The following ASIC2 variants were observed in gnomAD, a reference collection of about 807,000 sequenced individuals.
The protein encoded by ASIC2 is acid-sensing ion channel 2.
In ASIC2, 25 loss-of-function variants were observed where a neutral mutation model predicts 57.3. The observed-to-expected ratio is 0.44, with a 90% confidence interval of 0.32 to 0.61. The LOEUF is 0.61. ASIC2 is among the 20% of genes least tolerant of loss of function. ASIC2 has a pLI of 0.06. For missense variants in ASIC2, 641 were observed against 738.1 expected (o/e 0.87, Z 1.52); for synonymous variants, 319 against 307.5 (o/e 1.04, Z -0.39).
chr17:33,298,799 G>A (rs1162809350), intron 1 of ASIC2, among the ~76,000 whole-genome samples: 2 of 152,190 alleles, frequency 1.3e-5, no homozygotes, highest in East Asian at 1.9e-4. Context: ...TCTAACTGGT[G>A]TGAGATGGTA....
At chr17:33,105,288 T>A (rs374053851) in intron 2 of ASIC2, among the ~76,000 whole-genome samples, 71 of 152,336 alleles carry the variant, frequency 4.7e-4, no homozygotes, top group African/African-American at 1.7e-3. Context: ...GTTGTTGTGA[T>A]AGTGAATAAG....
chr17:33,323,852 A>T (rs1167693336), intron 1 of ASIC2, among the ~76,000 whole-genome samples: 1 of 151,822 alleles, frequency 6.6e-6, no homozygotes, highest in Non-Finnish European at 1.5e-5. Flanking sequence ...TTATAGTTGT[A>T]GTTGGCAGTG....
Position 33,022,678 on chromosome 17 carries a change from A to AT in ASIC2, c.1349+1182dup, listed in dbSNP as rs554056507. ...CCATTCATTTATTCTGTTAAAACAC[A>AT]TTTTTTTGAGTACCAACTCTGTGCC... On this transcript the variant is annotated intron_variant, in intron 6 of 9. Coordinates refer to ENST00000225823, the MANE Select transcript of ASIC2 (RefSeq NM_183377.2). 2.3e-3 allele frequency among the ~76,000 whole-genome samples: 343 copies of AT among 152,294 alleles called. 3 individuals are homozygous for AT. Among genetic ancestry groups the AT allele is most frequent in the African/African-American group, 7.8e-3 (326 of 41,550 alleles).
chr17:33,319,909 C>T (rs1040771961), intron 1 of ASIC2, among the ~76,000 whole-genome samples: 1 of 152,128 alleles, frequency 6.6e-6, no homozygotes, highest in Non-Finnish European at 1.5e-5. Flanking sequence ...AATACTACAT[C>T]GTATTCATCC....
intron 1 of ASIC2, among the ~76,000 whole-genome samples, chr17:33,522,074 T>A (rs939792654): frequency 1.3e-5 from 2 of 152,162 alleles, no homozygotes; most frequent in Non-Finnish European, 2.9e-5. Flanking sequence ...AGGAGCATCC[T>A]GTCAGGAAGG....
At chr17:33,264,118 T>C (rs765245675) in intron 1 of ASIC2, among the ~76,000 whole-genome samples, 7 of 152,176 alleles carry the variant, frequency 4.6e-5, no homozygotes, top group Non-Finnish European at 7.3e-5. Flanking sequence ...GTGAGTGCAA[T>C]CAATCTGCAG....
Position 34,034,617 on chromosome 17 carries a change from C to T in ASIC2, c.555+121361G>A, listed in dbSNP as rs9905765. ...TGATTGTATATCTAGAAAACCCCAT[C>T]GTCTCAGCCCAAAATCTCCTCAGGC... On this transcript the variant is annotated intron_variant, in intron 1 of 9. Transcript: ENST00000359872. 9.0e-3 allele frequency among the ~76,000 whole-genome samples: 1,376 copies of T among 152,208 alleles called. 19 individuals carry two copies. The highest frequency in any genetic ancestry group is 0.031 in the African/African-American group (1,279 of 41,506).
At chr17:33,756,584 T>A (rs1016700851) in intron 1 of ASIC2, among the ~76,000 whole-genome samples, 3 of 152,226 alleles carry the variant, frequency 2.0e-5, no homozygotes, top group Non-Finnish European at 4.4e-5. Context: ...AGGGCTTACC[T>A]TCTAGCATCT....
chr17:33,180,110 G>A (rs929946351), intron 1 of ASIC2, among the ~76,000 whole-genome samples: 2 of 152,118 alleles, frequency 1.3e-5, no homozygotes, highest in African/African-American at 4.8e-5. Context: ...GAAAGGAATG[G>A]CCAGGAAACT....
In ASIC2 at chr17:33,089,015, C is replaced by G. The variant is rs571182369; in HGVS notation, c.860-25G>C. ...TCTGAAAGAACAAAGATGGACAGAG[C>G]CACGGGTCAGTAACAACAGATGCTC... On this transcript the variant is annotated intron_variant, in intron 2 of 9. Transcript: ENST00000225823. 5 of 1,612,826 alleles carry G rather than the reference C, an allele frequency of 3.1e-6. No individual in the cohort carries two copies. In the Admixed American group the frequency reaches 5.0e-5, roughly 16 times the overall value.
chr17:33,803,521 T>C (rs1376215253), intron 1 of ASIC2, among the ~76,000 whole-genome samples: 1 of 151,532 alleles, frequency 6.6e-6, no homozygotes, highest in Non-Finnish European at 1.5e-5. Context: ...TGTTTACTCC[T>C]AGAAGAAGAA....
intron 1 of ASIC2, among the ~76,000 whole-genome samples, chr17:33,565,506 C>A (rs899221462): frequency 1.4e-4 from 21 of 152,174 alleles, no homozygotes; most frequent in African/African-American, 4.6e-4. Flanking sequence ...CCAGAACAGT[C>A]CTTAGAGGTA....
rs544465420 is a variant in ASIC2, at chr17:33,086,374, T to C, written c.987+2489A>G. 1.6e-4 allele frequency among the ~76,000 whole-genome samples: 24 copies of C among 152,324 alleles called. 1 individual carries two copies. Among genetic ancestry groups the C allele is most frequent in the Admixed American group, 9.1e-4 (14 of 15,312 alleles). On this transcript the variant is annotated intron_variant, in intron 3 of 9. Transcript: ENST00000225823. ...GTCAACACAAGTAAGTAATTCATCA[T>C]AGTAGGGGTAGGTACATTCAACAAG...
chr17:34,040,464 TG>T (rs1410986521), intron 1 of ASIC2, among the ~76,000 whole-genome samples: 70 of 29,602 alleles, frequency 2.4e-3, no homozygotes, highest in African/African-American at 5.4e-3. Flanking sequence ...ACGAGGAAGG[TG>T]GGGGGGGTCC....
chr17:33,456,514 T>C (rs1043496636), intron 1 of ASIC2, among the ~76,000 whole-genome samples: 2 of 152,234 alleles, frequency 1.3e-5, no homozygotes, highest in Non-Finnish European at 2.9e-5. Context: ...TACTGGGTAG[T>C]GACTACTGAT....
intron 1 of ASIC2, among the ~76,000 whole-genome samples, chr17:33,215,793 G>A (rs966230449): frequency 2.7e-5 from 4 of 148,512 alleles, no homozygotes; most frequent in African/African-American, 9.9e-5. Flanking sequence ...TCCGCCCCCC[G>A]GGTTCACGCC....
chr17:33,298,189 A>G (rs897945570), upstream of ASIC2, among the ~76,000 whole-genome samples: 4 of 152,068 alleles, frequency 2.6e-5, no homozygotes, highest in African/African-American at 4.8e-5. Flanking sequence ...ATACGTATAC[A>G]TGTGCCATGT....
chr17:33,684,381 G>A (rs771462419), intron 1 of ASIC2, among the ~76,000 whole-genome samples: 34 of 152,018 alleles, frequency 2.2e-4, no homozygotes, highest in African/African-American at 5.1e-4. Context: ...AAGTGCAGAA[G>A]AAACAACGTT....
chr17:33,051,322 C>T (rs556349758), intron 3 of ASIC2, among the ~76,000 whole-genome samples: 9 of 152,158 alleles, frequency 5.9e-5, no homozygotes, highest in African/African-American at 9.6e-5. Flanking sequence ...CTGGTCCTAC[C>T]GCACACTGAA....
Sources: allele counts gnomAD v4.1 joint callset (sites outside exome capture counted in the v4.1 genomes callset), GRCh38; gene constraint gnomAD v4.1.1; transcripts MANE v1.5; gene names NCBI Gene and HGNC (gene_info 2026-07-23, HGNC 2026-07-21).